Variants in MAD1L1 observed in about 807,000 individuals in gnomAD.
MAD1L1 encodes the protein mitotic spindle assembly checkpoint protein MAD1.
Under a neutral mutation model 96.9 loss-of-function variants are expected in MAD1L1, and 95 were observed. The ratio of observed to expected loss-of-function variants is 0.98; its 90% confidence interval spans 0.83 to 1.16. The LOEUF (loss-of-function observed/expected upper bound fraction) is 1.16, where lower values mean the gene tolerates loss of function less well. MAD1L1 is among the 50% of genes most tolerant of loss of function. MAD1L1 has a pLI of 0.00. For synonymous variants in MAD1L1, 473 were observed against 396.6 expected, an observed-to-expected ratio of 1.19 and a Z score of -2.29; for missense variants, 1,007 against 954.4, an observed-to-expected ratio of 1.06 and a Z score of -0.73.
At chr7:2,124,026 G>C (rs972929188) in intron 11 of MAD1L1, among the ~76,000 whole-genome samples, 11 of 152,212 alleles carry the variant, frequency 7.2e-5, no homozygotes, top group Non-Finnish European at 1.5e-4. Context: ...CCTGTAGCCA[G>C]GTCAGGCTCC....
intron 18 of MAD1L1, among the ~76,000 whole-genome samples, chr7:1,859,310 G>A (rs1181699062): frequency 3.9e-5 from 6 of 152,210 alleles, no homozygotes; most frequent in African/African-American, 1.4e-4. Context: ...CAGCCTCCTG[G>A]GGCTGCAGGT....
intron 18 of MAD1L1, chr7:1,846,751 C>G (rs1035453486): frequency 2.4e-4 from 40 of 168,262 alleles, no homozygotes; most frequent in African/African-American, 7.0e-4. Context: ...AGACGCCCCC[C>G]CACCGCTCCC....
At chr7:2,185,430 C>A (rs1218264322) in intron 10 of MAD1L1, among the ~76,000 whole-genome samples, 1 of 152,162 alleles carries the variant, frequency 6.6e-6, no homozygotes, top group African/African-American at 2.4e-5. Flanking sequence ...AGTGATGACA[C>A]AGGTGGTACA....
intron 17 of MAD1L1, among the ~76,000 whole-genome samples, chr7:1,917,074 C>A (rs1313356849): frequency 6.6e-6 from 1 of 152,210 alleles, no homozygotes; most frequent in African/African-American, 2.4e-5. Context: ...ACAAGGATGC[C>A]CACAGCTCGA....
intron 17 of MAD1L1, among the ~76,000 whole-genome samples, chr7:1,926,417 A>C (rs2128458657): frequency 6.6e-6 from 1 of 152,378 alleles, no homozygotes; most frequent in South Asian, 2.1e-4. Context: ...CAACCAGACA[A>C]GGGCAGTACA....
chr7:1,887,455 G>A (rs568562810), intron 18 of MAD1L1, among the ~76,000 whole-genome samples: 124 of 151,582 alleles, frequency 8.2e-4, no homozygotes, highest in African/African-American at 2.8e-3. Flanking sequence ...CTGTGTGTGC[G>A]TGCACATGTG....
At chr7:2,155,571 G>C (rs1789790611) in intron 10 of MAD1L1, among the ~76,000 whole-genome samples, 1 of 152,208 alleles carries the variant, frequency 6.6e-6, no homozygotes, top group African/African-American at 2.4e-5. Flanking sequence ...GCATTTCTCT[G>C]TGACGGGCTC....
chr7:2,192,480 G>A (rs550410288), intron 10 of MAD1L1, among the ~76,000 whole-genome samples: 8 of 152,226 alleles, frequency 5.3e-5, no homozygotes, highest in African/African-American at 4.8e-5. Context: ...AGCTATGATC[G>A]TGCATGCTCC....
chr7:1,954,713 C>T (rs1489624478), intron 16 of MAD1L1, among the ~76,000 whole-genome samples: 1 of 152,228 alleles, frequency 6.6e-6, no homozygotes, highest in Non-Finnish European at 1.5e-5. Context: ...CATGGAGAGT[C>T]TGAGCTCCTT....
Position 2,215,865 on chromosome 7 carries a change from C to T in MAD1L1, c.924+20G>A, listed in dbSNP as rs769472936. 8.1e-6 allele frequency: 13 copies of T among 1,611,606 alleles called. No individual in the cohort carries two copies. The highest frequency in any genetic ancestry group is 1.1e-5 in the Non-Finnish European group (13 of 1,177,680). ...GGGCAGAGGACACCCACAGGAACCG[C>T]ACACCACACAGGCCCTCACCTCGTT... On this transcript the variant is annotated intron_variant, in intron 9 of 18. Coordinates refer to ENST00000265854, the MANE Select transcript of MAD1L1 (RefSeq NM_001013836.2).
At chr7:2,031,644 T>A (rs527311233) in intron 12 of MAD1L1, among the ~76,000 whole-genome samples, 1 of 152,208 alleles carries the variant, frequency 6.6e-6, no homozygotes. Context: ...GGGAGGGCAC[T>A]GGGACCATCC....
intron 15 of MAD1L1, among the ~76,000 whole-genome samples, chr7:1,971,679 C>G (rs925569031): frequency 2.0e-5 from 3 of 152,026 alleles, no homozygotes; most frequent in African/African-American, 7.2e-5. Context: ...TTTTTTGAGG[C>G]ATTTACCTGA....
intron 17 of MAD1L1, among the ~76,000 whole-genome samples, chr7:1,932,116 T>G (rs1488283716): frequency 6.6e-6 from 1 of 152,220 alleles, no homozygotes; most frequent in Non-Finnish European, 1.5e-5. Flanking sequence ...GAATCTCTGG[T>G]GGGTTCCAGC....
At chr7:1,833,425 G>C (rs1382186308) in intron 18 of MAD1L1, among the ~76,000 whole-genome samples, 1 of 152,222 alleles carries the variant, frequency 6.6e-6, no homozygotes, top group East Asian at 1.9e-4. Flanking sequence ...AGAGAAATCT[G>C]TAATAATAGT....
intron 15 of MAD1L1, among the ~76,000 whole-genome samples, chr7:1,976,075 C>T (rs1780623696): frequency 6.6e-6 from 1 of 152,216 alleles, no homozygotes; most frequent in African/African-American, 2.4e-5. Context: ...TGTTGAAAAA[C>T]GATGCTATGT....
chr7:2,119,361 T>G lies in MAD1L1; in HGVS notation c.1073+29791A>C, dbSNP rs567913309. 6.6e-6 allele frequency among the ~76,000 whole-genome samples: 1 copy of G among 152,240 alleles called. No homozygotes were observed. Among genetic ancestry groups the G allele is most frequent in the Admixed American group, 6.5e-5 (1 of 15,306 alleles). ...CTCCATCACCCACCCTTTCTGACAG[T>G]GGCCCACATGGTTTAGGACGGGGTG... On this transcript the variant is annotated intron_variant, in intron 11 of 18. Transcript: ENST00000265854. The surrounding 1 kb of genome is among the most constrained non-coding windows in gnomAD (Gnocchi z 4.6).
chr7:1,901,277 T>C (rs572740471), intron 17 of MAD1L1, among the ~76,000 whole-genome samples: 75 of 152,264 alleles, frequency 4.9e-4, no homozygotes, highest in African/African-American at 1.8e-3. Flanking sequence ...AAATAAAAGA[T>C]GGGTTTTCCG....
At chr7:1,884,091 C>A (rs2128665799) in intron 18 of MAD1L1, among the ~76,000 whole-genome samples, 1 of 152,312 alleles carries the variant, frequency 6.6e-6, no homozygotes, top group South Asian at 2.1e-4. Flanking sequence ...ATGTGGCCAA[C>A]AGGAGGCAGC....
At chr7:1,979,986 A>G (rs1780819308) in intron 15 of MAD1L1, among the ~76,000 whole-genome samples, 1 of 152,222 alleles carries the variant, frequency 6.6e-6, no homozygotes, top group Admixed American at 6.5e-5. Context: ...GTGTCCCTGC[A>G]GAGAGGAACC....
Sources: allele counts gnomAD v4.1 joint callset (sites outside exome capture counted in the v4.1 genomes callset), GRCh38; gene constraint gnomAD v4.1.1; non-coding constraint Gnocchi (gnomAD v3.1); transcripts MANE v1.5; gene names NCBI Gene and HGNC (gene_info 2026-07-23, HGNC 2026-07-21).